The following KDM4C variants were observed in gnomAD, a reference collection of about 807,000 sequenced individuals.
KDM4C encodes the protein lysine-specific demethylase 4C.
KDM4C carries 81 observed loss-of-function variants against 129.3 expected under a neutral mutation model. The ratio of observed to expected loss-of-function variants is 0.63; its 90% CI spans 0.52 to 0.75. The LOEUF (loss-of-function observed/expected upper bound fraction) is 0.75. Among genes scored for constraint, KDM4C ranks in the 30% least tolerant of loss-of-function variants. The pLI, the probability that KDM4C is intolerant of heterozygous loss-of-function variation, is 0.00. For synonymous variants in KDM4C, 573 were observed against 456.1 expected (o/e 1.26, Z -3.26); for missense variants, 1,457 against 1,304.0 (o/e 1.12, Z -1.81).
chr9:6,852,429 A>G (rs189602617), intron 5 of KDM4C, among the ~76,000 whole-genome samples: 20 of 152,318 alleles, frequency 1.3e-4, no homozygotes, highest in African/African-American at 3.6e-4. Flanking sequence ...AAGGTTAGCC[A>G]GAATGACCTC....
At chr9:7,072,533 A>G (rs781076063) in intron 17 of KDM4C, among the ~76,000 whole-genome samples, 4 of 152,204 alleles carry the variant, frequency 2.6e-5, no homozygotes, top group Non-Finnish European at 5.9e-5. Context: ...AAGGCTCCGT[A>G]CTGTTGAATT....
intron 12 of KDM4C, among the ~76,000 whole-genome samples, chr9:6,994,851 A>G (rs950603260): frequency 2.0e-5 from 3 of 152,190 alleles, no homozygotes; most frequent in African/African-American, 4.8e-5. Context: ...TCTTGACAGA[A>G]TTGAAAATCT....
At chr9:6,860,236 A>C (rs1459255444) in intron 5 of KDM4C, among the ~76,000 whole-genome samples, 1 of 152,134 alleles carries the variant, frequency 6.6e-6, no homozygotes, top group Admixed American at 6.5e-5. Context: ...GAAATGTCTG[A>C]ACCAACACCG....
At position 6,821,856 on chromosome 9, in the gene KDM4C, A is replaced by T. The variant is rs1833086965; in HGVS notation, c.435+7111A>T. On this transcript the variant is annotated intron_variant, in intron 4 of 21. Transcript: ENST00000381309. Reference sequence around the variant, plus strand: ...CGCCATGTTGGCCAGACTGGTTTCTAACTCCTGGCCTCAAGTGATCTGCCT... The same window carrying T: ...CGCCATGTTGGCCAGACTGGTTTCTTACTCCTGGCCTCAAGTGATCTGCCT... 3.9e-5 allele frequency among the ~76,000 whole-genome samples: 6 copies of T among 152,236 alleles called. No individual in the cohort carries two copies. In the South Asian group the frequency reaches 1.2e-3, roughly 32 times the overall value.
At chr9:6,889,171 T>C (rs10975872) in intron 7 of KDM4C, among the ~76,000 whole-genome samples, 52,555 of 119,338 alleles carry the variant, frequency 0.44, 11,937 homozygotes, top group Middle Eastern at 0.53. Flanking sequence ...ACTAAATCTT[T>C]ACATTTTCTT....
At chr9:6,822,123 A>G (rs764466684) in intron 4 of KDM4C, among the ~76,000 whole-genome samples, 5 of 152,174 alleles carry the variant, frequency 3.3e-5, no homozygotes, top group Non-Finnish European at 7.3e-5. Context: ...TATATTGAAG[A>G]GCAGGGTTTG....
chr9:7,168,540 A>G (rs1185297187), intron 20 of KDM4C, among the ~76,000 whole-genome samples: 2 of 152,190 alleles, frequency 1.3e-5, no homozygotes, highest in Non-Finnish European at 2.9e-5. Context: ...GTTAAAAACA[A>G]TTGGTTATGA....
chr9:6,913,334 T>TAATCTTGAAGGA (rs1219013942), intron 8 of KDM4C, among the ~76,000 whole-genome samples: 1 of 152,204 alleles, frequency 6.6e-6, no homozygotes, highest in Non-Finnish European at 1.5e-5. Context: ...AGTAATTAGG[T>TAATCTTGAAGGA]AATCTTGAAG....
intron 1 of KDM4C, among the ~76,000 whole-genome samples, chr9:6,731,797 G>A (rs1036523594): frequency 6.6e-6 from 1 of 152,058 alleles, no homozygotes; most frequent in Non-Finnish European, 1.5e-5. Context: ...GCCATTTTCC[G>A]TTACCACCAT....
intron 8 of KDM4C, among the ~76,000 whole-genome samples, chr9:6,948,520 TGTTTCTC>T (rs1827394303): frequency 7.1e-6 from 1 of 141,442 alleles, no homozygotes; most frequent in Admixed American, 7.1e-5. Context: ...CATTCTTGGG[TGTTTCTC>T]GCAGAGGGGG....
chr9:6,897,126 C>G (rs932690605), intron 8 of KDM4C, among the ~76,000 whole-genome samples: 1 of 152,192 alleles, frequency 6.6e-6, no homozygotes, highest in African/African-American at 2.4e-5. Flanking sequence ...TGCGTAAATT[C>G]TCTGTTTTTT....
chr9:6,840,101 C>T (rs1204589283), intron 4 of KDM4C, among the ~76,000 whole-genome samples: 1 of 150,706 alleles, frequency 6.6e-6, no homozygotes, highest in Non-Finnish European at 1.5e-5. Context: ...GGAGACAGGT[C>T]TCACTCTGTC....
intron 19 of KDM4C, among the ~76,000 whole-genome samples, chr9:7,138,903 T>C (rs184240768): frequency 2.2e-4 from 33 of 152,340 alleles, no homozygotes; most frequent in Admixed American, 1.7e-3. Context: ...AAATTATGCA[T>C]ACTTCCAGTA....
intron 1 of KDM4C, among the ~76,000 whole-genome samples, chr9:6,759,764 C>T (rs1422328241): frequency 6.6e-6 from 1 of 151,750 alleles, no homozygotes; most frequent in African/African-American, 2.4e-5. Context: ...ACCAGCCTGG[C>T]CAAAATGGCG....
chr9:6,912,424 C>T (rs910562550), intron 8 of KDM4C, among the ~76,000 whole-genome samples: 8 of 152,180 alleles, frequency 5.3e-5, no homozygotes, highest in Admixed American at 6.5e-5. Context: ...TTCACATAGG[C>T]GCTGTTCTCT....
intron 18 of KDM4C, 195 bp downstream of exon 18, chr9:7,104,065 G>T: frequency 1.8e-6 from 1 of 563,030 alleles, no homozygotes; most frequent in Non-Finnish European, 3.2e-6. Context: ...CAAGTGCCTG[G>T]TGCACGCTAG....
intron 1 of KDM4C, among the ~76,000 whole-genome samples, chr9:6,762,136 A>C (rs530314981): frequency 3.3e-5 from 5 of 151,896 alleles, no homozygotes; most frequent in Admixed American, 6.6e-5. Context: ...TCTAGGGTAC[A>C]TGTGCGCAAC....
At chr9:7,060,731 C>T (rs755649470) in intron 17 of KDM4C, among the ~76,000 whole-genome samples, 19 of 152,128 alleles carry the variant, frequency 1.2e-4, no homozygotes, top group South Asian at 2.1e-4. Flanking sequence ...CCGCCTGCCT[C>T]GGCCTCCCAA....
chr9:6,831,278 G>C (rs1588562911), intron 4 of KDM4C, among the ~76,000 whole-genome samples: 1 of 152,126 alleles, frequency 6.6e-6, no homozygotes, highest in African/African-American at 2.4e-5. Context: ...GAGGTAAGTA[G>C]CCTGGGGCCA....
Sources: allele counts gnomAD v4.1 joint callset (sites outside exome capture counted in the v4.1 genomes callset), GRCh38; gene constraint gnomAD v4.1.1; transcripts MANE v1.5; gene names NCBI Gene and HGNC (gene_info 2026-07-23, HGNC 2026-07-21).